PHETA2: variants seen among roughly 807,000 people sequenced by gnomAD.
PHETA2 encodes sesquipedalian-2.
For synonymous variants in PHETA2, 133 were observed against 142.9 expected (o/e 0.93, Z 0.50); for missense variants, 321 against 341.3 (o/e 0.94, Z 0.47).
chr22:42,075,183 G>C lies in PHETA2; in HGVS notation c.-96-388G>C, dbSNP rs1927236379. Among the ~76,000 whole-genome samples the C allele has an allele frequency of 1.3e-5, 2 of 152,134 alleles. No homozygotes were observed. Among genetic ancestry groups the C allele is most frequent in the South Asian group, 2.1e-4 (1 of 4,832 alleles). Reference sequence around the variant, plus strand: ...GAAGGAAACAAACCAGAAATGGGGGGGTCTACTGGTCAGGTGACCTTAGGT... The same window carrying C: ...GAAGGAAACAAACCAGAAATGGGGGCGTCTACTGGTCAGGTGACCTTAGGT... On this transcript the variant is annotated intron_variant, in intron 1 of 2. Transcript: ENST00000321753. The surrounding 1 kb of genome is among the most constrained non-coding windows in gnomAD (Gnocchi z 4.8).
chr22:42,078,680 C>CA lies in PHETA2; in HGVS notation c.*608dup. The CA allele has an allele frequency of 7.3e-6, 1 of 137,458 alleles. No individual in the cohort carries two copies. The highest frequency in any genetic ancestry group is 8.0e-5 in the Admixed American group (1 of 12,432). 8.5% of individuals were successfully genotyped at this position (137,458 alleles called of 1,614,324 possible). A position where few individuals can be genotyped will look rare whatever the true frequency, so the allele number is the denominator to read the frequency against. On this transcript the variant is annotated 3_prime_UTR_variant, in exon 3 of 3. Transcript: ENST00000321753. ...CCAGTGAAGAGAGATTTATTCTGCT[C>CA]AGAGTGCTGGGGTCCCATCCTTTCT...
In PHETA2 at chr22:42,078,594, T is replaced by C. The variant is rs921014009; in HGVS notation, c.*521T>C. 3.6e-5 allele frequency: 6 copies of C among 168,230 alleles called. No individual in the cohort carries two copies. In the East Asian group the frequency reaches 7.7e-4, roughly 22 times the overall value. 10.4% of individuals were successfully genotyped at this position (168,230 alleles called of 1,614,324 possible). The stretch of plus-strand genomic sequence containing the variant: ...GCTCTTCCTGAGAGGGGTGGGAAGA[T>C]TGGGGATGGGATCCTCACTCAGCAG... On this transcript the variant is annotated 3_prime_UTR_variant, in exon 3 of 3. Transcript: ENST00000321753.
Position 42,079,341 on chromosome 22 carries a change from C to G in PHETA2, c.*1268C>G, listed in dbSNP as rs2146857986. 5.7e-6 allele frequency: 1 copy of G among 176,986 alleles called. No individual in the cohort carries two copies. Among genetic ancestry groups the G allele is most frequent in the South Asian group, 1.8e-4 (1 of 5,660 alleles). The allele number at this position is 176,986 out of a possible 1,614,324, so 11.0% of individuals were successfully genotyped here. On this transcript the variant is annotated 3_prime_UTR_variant, in exon 3 of 3. Transcript: ENST00000321753. ...CAGCCCTGCCTGGAAGCCCCGCAGC[C>G]ACTGCATTTTGTTTAAACACAGATA... is the stretch of plus-strand genomic sequence containing the variant.
chr22:42,078,191 G>A lies in PHETA2; in HGVS notation c.*118G>A, dbSNP rs1178913105. ...TGGGTTCTCTCCTTCCTGCTATTTA[G>A]GCATTCTCCAGGTTCGAGATCCACC... On this transcript the variant is annotated 3_prime_UTR_variant, in exon 3 of 3. Coordinates refer to ENST00000321753, the MANE Select transcript of PHETA2 (RefSeq NM_001002034.3). The A allele has an allele frequency of 3.3e-6, 4 of 1,223,756 alleles. No individual in the cohort carries two copies. The African/African-American group carries it at 6.1e-5, about 19-fold the overall frequency. 75.8% of individuals were successfully genotyped at this position (1,223,756 alleles called of 1,614,324 possible).
intron 2 of PHETA2, 30 bp from the exon 3 acceptor site, chr22:42,077,250 T>C (rs745802901): frequency 4.0e-6 from 6 of 1,509,032 alleles, no homozygotes; most frequent in Non-Finnish European, 5.3e-6. Context: ...CCTCCCTCTC[T>C]GATCTGCTGC....
At position 42,075,620 on chromosome 22, in the gene PHETA2, G is replaced by C. The variant is rs796977783; in HGVS notation, c.-47G>C. 8 of 152,472 alleles carry C rather than the reference G, an allele frequency of 5.2e-5. No homozygotes were observed. Among genetic ancestry groups the C allele is most frequent in the African/African-American group, 1.9e-4 (8 of 41,592 alleles). The allele number at this position is 152,472 out of a possible 1,614,324, so 9.4% of individuals were successfully genotyped here. ...AGGGCTGAGCTGTGTGGCCAGACAA[G>C]AGGTCCCTGCCCTCCCCCAGTGAGC... On this transcript the variant is annotated 5_prime_UTR_variant, in exon 2 of 3. Coordinates refer to ENST00000321753, the MANE Select transcript of PHETA2 (RefSeq NM_001002034.3). The surrounding 1 kb of genome is among the most constrained non-coding windows in gnomAD (Gnocchi z 4.8).
At position 42,078,102 on chromosome 22, in the gene PHETA2, G is replaced by A. The variant is rs760718295; in HGVS notation, c.*29G>A. On this transcript the variant is annotated 3_prime_UTR_variant, in exon 3 of 3. Coordinates refer to ENST00000321753, the MANE Select transcript of PHETA2 (RefSeq NM_001002034.3). Reference sequence around the variant, plus strand: ...TGGGCCCTTTGAGTCAGGAAACCAGGGCCAGTTCTTTTTCAGGAGTTAAAT... The same window carrying A: ...TGGGCCCTTTGAGTCAGGAAACCAGAGCCAGTTCTTTTTCAGGAGTTAAAT... 1.4e-5 allele frequency: 21 copies of A among 1,498,268 alleles called. No individual in the cohort carries two copies. Among genetic ancestry groups the A allele is most frequent in the Non-Finnish European group, 1.9e-5 (21 of 1,124,398 alleles). 92.8% of individuals were successfully genotyped at this position (1,498,268 alleles called of 1,614,324 possible).
chr22:42,076,857 G>A lies in PHETA2; in HGVS notation c.-14-423G>A, dbSNP rs1339803690. Reference sequence around the variant, plus strand: ...CCAGTAGAGGCCCAGGAGGGTCATGGAAACCCTGGAAGCTTGGCCTCAGAG... The same window carrying A: ...CCAGTAGAGGCCCAGGAGGGTCATGAAAACCCTGGAAGCTTGGCCTCAGAG... On this transcript the variant is annotated intron_variant, in intron 2 of 2. Transcript: ENST00000321753. Among the ~76,000 whole-genome samples the A allele has an allele frequency of 2.0e-5, 3 of 152,030 alleles. No individual in the cohort carries two copies. The East Asian group carries it at 5.8e-4, about 29-fold the overall frequency.
Position 42,077,499 on chromosome 22 carries a change from T to C in PHETA2, c.206T>C (p.Leu69Pro), listed in dbSNP as rs1159325823. The C allele has an allele frequency of 1.2e-6, 2 of 1,614,162 alleles. No individual in the cohort carries two copies. The highest frequency in any genetic ancestry group is 1.7e-6 in the Non-Finnish European group (2 of 1,180,022). Reference sequence around the variant, plus strand: ...CGGGCCCCACTGAGCCTGGTGGTGCTGGAAGGCTGCACAGTGGAACTGGCC... The same window carrying C: ...CGGGCCCCACTGAGCCTGGTGGTGCCGGAAGGCTGCACAGTGGAACTGGCC... ...EGRAPLSLVV[L>P]EGCTVELAEA... Residue 69 changes from leucine to proline, a missense_variant, in exon 3 of 3, where the codon CTG becomes CCG. By Grantham distance (98) the Leu-to-Pro change is moderately conservative (BLOSUM62 -3). Coordinates refer to ENST00000321753, the MANE Select transcript of PHETA2 (RefSeq NM_001002034.3).
Position 42,077,836 on chromosome 22 carries a change from T to G in PHETA2, c.543T>G (p.Pro181=). The G allele has an allele frequency of 6.2e-7, 1 of 1,613,188 alleles. No homozygotes were observed. The highest frequency in any genetic ancestry group is 8.5e-7 in the Non-Finnish European group (1 of 1,179,864). Residue 181 remains proline, a synonymous_variant, in exon 3 of 3, where the codon CCT becomes CCG. Coordinates refer to ENST00000321753, the MANE Select transcript of PHETA2 (RefSeq NM_001002034.3). ...ACTGCCTCTCCAAGGACAGCAGCCC[T>G]GTGGGCTTGGTTGAAGAAGCGGGCA... The part of the protein sequence containing the change: ...NGHCLSKDSS[P]VGLVEEAGSR...
At position 42,077,588 on chromosome 22, in the gene PHETA2, C is replaced by T. The variant is rs1474697842; in HGVS notation, c.295C>T (p.His99Tyr). The stretch of plus-strand genomic sequence containing the variant: ...CTTTGATGCCCCTGGAGTGCGCCCA[C>T]ACCTGCTGGCCGCAGAAGGGCCGGC... ...ICFDAPGVRP[H>Y]LLAAEGPAAQ... The change falls in exon 3 of 3, where the codon CAC becomes TAC. Residue 99 changes from histidine (H) to tyrosine (Y), a missense_variant. Coordinates refer to ENST00000321753, the MANE Select transcript of PHETA2 (RefSeq NM_001002034.3). 2 of 1,614,184 alleles carry T rather than the reference C, an allele frequency of 1.2e-6. No homozygotes were observed. Among genetic ancestry groups the T allele is most frequent in the Admixed American group, 1.7e-5 (1 of 60,032 alleles).
In PHETA2 at chr22:42,077,814, G is replaced by T. The variant is rs1927365584; in HGVS notation, c.521G>T (p.Cys174Phe). ...HRAAGLENGH[C>F]LSKDSSPVGL... is the part of the protein sequence containing the mutation. ...GCTGCGGGCCTGGAGAATGGCCACT[G>T]CCTCTCCAAGGACAGCAGCCCTGTG... The change falls in exon 3 of 3, where the codon TGC becomes TTC. Residue 174 changes from cysteine to phenylalanine, a missense_variant. Transcript: ENST00000321753. 4 of 1,612,698 alleles carry T rather than the reference G, an allele frequency of 2.5e-6. No individual in the cohort carries two copies. The highest frequency in any genetic ancestry group is 2.5e-6 in the Non-Finnish European group (3 of 1,179,866).
chr22:42,077,446 G>A lies in PHETA2; in HGVS notation c.153G>A (p.Leu51=), dbSNP rs1275219388. The A allele has an allele frequency of 6.2e-7, 1 of 1,613,886 alleles. No homozygotes were observed. Among genetic ancestry groups the A allele is most frequent in the South Asian group, 1.1e-5 (1 of 91,064 alleles). ...RRCWFVLKGN[L]LFSFESREGR... ...GCTGGTTTGTCCTCAAGGGCAACCT[G>A]CTATTCTCCTTTGAGAGTCGCGAGG... Residue 51 remains leucine, a synonymous_variant, in exon 3 of 3, where the codon CTG becomes CTA. Coordinates refer to ENST00000321753, the MANE Select transcript of PHETA2 (RefSeq NM_001002034.3).
rs986708202 is a variant in PHETA2, at chr22:42,077,377, G to T, written c.84G>T (p.Gly28=). The change falls in exon 3 of 3, where the codon GGG becomes GGT. Residue 28 remains glycine (G), a synonymous_variant. Coordinates refer to ENST00000321753, the MANE Select transcript of PHETA2 (RefSeq NM_001002034.3). ...ADHMGFLRTW[G]GPGTPPTPSG... Reference sequence around the variant, plus strand: ...ACATGGGCTTCCTGCGCACCTGGGGGGGCCCAGGGACCCCACCGACCCCCA... The same window carrying T: ...ACATGGGCTTCCTGCGCACCTGGGGTGGCCCAGGGACCCCACCGACCCCCA... 24 of 1,599,488 alleles carry T rather than the reference G, an allele frequency of 1.5e-5. No individual in the cohort carries two copies. Among genetic ancestry groups the T allele is most frequent in the Non-Finnish European group, 2.0e-5 (23 of 1,172,432 alleles).
chr22:42,076,830 G>T, intron 2 of PHETA2, among the ~76,000 whole-genome samples: 1 of 152,230 alleles, frequency 6.6e-6, no homozygotes, highest in Non-Finnish European at 1.5e-5. Flanking sequence ...GCAAATAAGA[G>T]GCCAGTAGAG....
rs1927235426 is a variant in PHETA2, at chr22:42,075,161, G to A, written c.-96-410G>A. On this transcript the variant is annotated intron_variant, in intron 1 of 2. Transcript: ENST00000321753. The surrounding 1 kb of genome is among the most constrained non-coding windows in gnomAD (Gnocchi z 4.8). ...ACATATGACATCGTCGTGGGATGAAGGAAACAAACCAGAAATGGGGGGGTC... is the reference window on the plus strand; with the variant it reads ...ACATATGACATCGTCGTGGGATGAAAGAAACAAACCAGAAATGGGGGGGTC... Among the ~76,000 whole-genome samples the A allele has an allele frequency of 6.6e-6, 1 of 152,162 alleles. No individual in the cohort carries two copies. The highest frequency in any genetic ancestry group is 2.4e-5 in the African/African-American group (1 of 41,424).
rs1383376292 is a variant in PHETA2 at position 42,077,911 on chromosome 22, C to T, written c.618C>T (p.Ala206=). The T allele has an allele frequency of 1.2e-6, 2 of 1,613,194 alleles. No homozygotes were observed. The highest frequency in any genetic ancestry group is 1.7e-5 in the Admixed American group (1 of 59,890). Residue 206 remains alanine (A), a synonymous_variant, in exon 3 of 3, where the codon GCC becomes GCT. Transcript: ENST00000321753. ...CTGAGTGGGAGCTGCAGGGCCCTGC[C>T]AGCCTCCTCCTAGGCAAGGGGCAGA... is the stretch of plus-strand genomic sequence containing the variant. The part of the protein sequence containing the change: ...GLAEWELQGP[A]SLLLGKGQSP...
At position 42,077,763 on chromosome 22, in the gene PHETA2, G is replaced by GT. The variant is rs1569460577; in HGVS notation, c.471dup (p.Lys158Ter). 5.6e-6 allele frequency: 9 copies of GT among 1,613,058 alleles called. No homozygotes were observed. Among genetic ancestry groups the GT allele is most frequent in the Non-Finnish European group, 7.6e-6 (9 of 1,180,056 alleles). ...TCCTGGAAGTCTGTTGCCAGCCGCT[G>GT]TAAGCCCCAGGCTCCTAACCACCGA... On this transcript the variant is annotated frameshift_variant, in exon 3 of 3. Coordinates refer to ENST00000321753, the MANE Select transcript of PHETA2 (RefSeq NM_001002034.3). LOFTEE classifies it low-confidence loss of function (END_TRUNC).
chr22:42,076,933 C>T (rs1927303715), intron 2 of PHETA2, among the ~76,000 whole-genome samples: 1 of 152,040 alleles, frequency 6.6e-6, no homozygotes, highest in Non-Finnish European at 1.5e-5. Context: ...ACAGTGGTTT[C>T]GATGGGTCTG....
Sources: allele counts gnomAD v4.1 joint callset (sites outside exome capture counted in the v4.1 genomes callset), GRCh38; gene constraint gnomAD v4.1.1; non-coding constraint Gnocchi (gnomAD v3.1); transcripts MANE v1.5; gene names NCBI Gene and HGNC (gene_info 2026-07-23, HGNC 2026-07-21).